RCOR1: variants seen among roughly 807,000 people sequenced by gnomAD.
RCOR1 encodes the protein REST corepressor.
Under a neutral mutation model 64.0 loss-of-function variants are expected in RCOR1, and 12 were observed. The observed-to-expected ratio is 0.19, with a 90% CI of 0.12 to 0.30. RCOR1 has a LOEUF of 0.30. Among genes scored for constraint, RCOR1 ranks in the 10% least tolerant of loss-of-function variants. The probability of loss-of-function intolerance (pLI) is 1.00; values close to 1 mark genes in which losing one functional copy is unlikely to be tolerated. For synonymous variants in RCOR1, 279 were observed against 227.2 expected (o/e 1.23, Z -2.05); for missense variants, 502 against 621.2 (o/e 0.81, Z 2.04).
chr14:102,609,990 A>T, intron 2 of RCOR1, among the ~76,000 whole-genome samples: 1 of 152,016 alleles, frequency 6.6e-6, no homozygotes, highest in East Asian at 1.9e-4. Context: ...TACTAAACAT[A>T]CAAAAATTAG....
chr14:102,662,683 G>T, intron 2 of RCOR1: 1 of 442,734 alleles, frequency 2.3e-6, no homozygotes, highest in African/African-American at 2.0e-5. Flanking sequence ...AGGGGCAGGA[G>T]CTTCCTTCTT....
At chr14:102,706,603 A>T (rs999865268) in intron 4 of RCOR1, among the ~76,000 whole-genome samples, 3 of 152,126 alleles carry the variant, frequency 2.0e-5, no homozygotes, top group Non-Finnish European at 4.4e-5. Flanking sequence ...AAGTGGGTAG[A>T]TCACTTGAGC....
rs1222242153 is a variant in RCOR1, at chr14:102,710,969, C to G, written c.814C>G (p.Pro272Ala). ...DELEEANGNNPIDIEVDQNKE... is the reference protein window; with the variant it reads ...DELEEANGNNAIDIEVDQNKE... ...ACTGGAAGAGGCAAATGGAAACAATCCCATTGACATTGAGGTTGATCAAAA... is the reference window on the plus strand; with the variant it reads ...ACTGGAAGAGGCAAATGGAAACAATGCCATTGACATTGAGGTTGATCAAAA... The change falls in exon 7 of 12, where the codon CCC (proline) becomes GCC (alanine). Residue 272 changes from proline to alanine, a missense_variant. Pro to Ala is a conservative substitution (Grantham distance 27). This residue lies in a region of RCOR1 where 260 missense variants were observed against 416.4 expected (regional missense o/e 0.62). Transcript: ENST00000262241. The G allele has an allele frequency of 1.2e-6, 2 of 1,609,084 alleles. No individual in the cohort carries two copies. The highest frequency in any genetic ancestry group is 2.2e-5 in the South Asian group (2 of 89,530).
At chr14:102,723,773 GA>G (rs1896209496) in intron 11 of RCOR1, among the ~76,000 whole-genome samples, 1 of 152,218 alleles carries the variant, frequency 6.6e-6, no homozygotes, top group South Asian at 2.1e-4. Flanking sequence ...TTGCAGGAAT[GA>G]AAGCTTGCTT....
At chr14:102,643,922 T>C (rs1175667850) in intron 2 of RCOR1, among the ~76,000 whole-genome samples, 1 of 152,250 alleles carries the variant, frequency 6.6e-6, no homozygotes, top group Non-Finnish European at 1.5e-5. Flanking sequence ...ATGCTAACAA[T>C]TGAGTGTTAC....
chr14:102,648,310 C>G (rs1009317921), intron 2 of RCOR1, among the ~76,000 whole-genome samples: 4 of 152,202 alleles, frequency 2.6e-5, no homozygotes, highest in Non-Finnish European at 5.9e-5. Context: ...AACTCTTGAT[C>G]TCAGGTGATC....
chr14:102,706,100 G>A (rs1895847496), intron 4 of RCOR1, among the ~76,000 whole-genome samples: 1 of 88,302 alleles, frequency 1.1e-5, no homozygotes, highest in Admixed American at 1.6e-4. Flanking sequence ...GGCAAGGAGA[G>A]TGAAACCCTG....
At chr14:102,687,228 T>C (rs1056751169) in intron 3 of RCOR1, among the ~76,000 whole-genome samples, 6 of 152,218 alleles carry the variant, frequency 3.9e-5, no homozygotes, top group Non-Finnish European at 7.3e-5. Flanking sequence ...AATTTATGTG[T>C]AGTTTTCCTA....
At chr14:102,614,951 C>T (rs558038243) in intron 2 of RCOR1, among the ~76,000 whole-genome samples, 2 of 151,762 alleles carry the variant, frequency 1.3e-5, no homozygotes, top group Non-Finnish European at 2.9e-5. Flanking sequence ...CCTGCCTCAG[C>T]CTCCCGAGTA....
chr14:102,726,412 T>G, intron 11 of RCOR1, 56 bp from the exon 12 acceptor site: 1 of 1,483,906 alleles, frequency 6.7e-7, no homozygotes, highest in Non-Finnish European at 9.2e-7. Context: ...AATAGCAGCT[T>G]GTGTTGTTTA....
intron 2 of RCOR1, among the ~76,000 whole-genome samples, chr14:102,599,428 A>T (rs1893338602): frequency 6.6e-6 from 1 of 152,174 alleles, no homozygotes; most frequent in Admixed American, 6.5e-5. Flanking sequence ...CACCGTGTTC[A>T]GCCATTATTA....
In RCOR1 at chr14:102,727,280, G is replaced by GT. The variant is rs1282114140; in HGVS notation, c.*774_*775insT. The GT allele has an allele frequency of 1.5e-5, 2 of 132,676 alleles. No individual in the cohort carries two copies. The highest frequency in any genetic ancestry group is 6.1e-5 in the African/African-American group (2 of 32,602). 8.2% of individuals were successfully genotyped at this position (132,676 alleles called of 1,614,324 possible). On this transcript the variant is annotated 3_prime_UTR_variant, in exon 12 of 12. Transcript: ENST00000262241. ...GGTGGTTGCCACCCCATCTTTTCCT[G>GT]ACCCCCCCCACCCCCCCACCTCCAA... is the stretch of plus-strand genomic sequence containing the variant.
chr14:102,621,584 C>A (rs900601626), intron 2 of RCOR1, among the ~76,000 whole-genome samples: 1 of 151,648 alleles, frequency 6.6e-6, no homozygotes. Context: ...TTTTTCTTTT[C>A]GTCTTCTAGC....
rs771761483 is a variant in RCOR1 at position 102,708,592 on chromosome 14, A to G, written c.779+9A>G. On this transcript the variant is annotated intron_variant, in intron 6 of 11. Transcript: ENST00000262241. The stretch of plus-strand genomic sequence containing the variant: ...CGGGAGCGGGAGGAGAGGTGAGCAC[A>G]TGGCTGGGGTGTTGTCTAACCACTT... The G allele has an allele frequency of 1.0e-4, 152 of 1,499,486 alleles. 3 individuals carry two copies. Among genetic ancestry groups the G allele is most frequent in the South Asian group, 7.5e-4 (66 of 88,556 alleles). The allele number at this position is 1,499,486 out of a possible 1,614,324, so 92.9% of individuals were successfully genotyped here.
At position 102,613,435 on chromosome 14, in the gene RCOR1, ATTTT is replaced by A. The variant is rs61269468; in HGVS notation, c.361+20122_361+20125del. ...TCTTTTTTAAACATATTTATTTATC[ATTTT>A]TTTTTTTTTTTGAGACGGAGTCTCG... On this transcript the variant is annotated intron_variant, in intron 2 of 11. Coordinates refer to ENST00000262241, the MANE Select transcript of RCOR1 (RefSeq NM_015156.4). Among the ~76,000 whole-genome samples, 3 of 119,304 alleles carry A rather than the reference ATTTT, an allele frequency of 2.5e-5. No individual in the cohort carries two copies. The East Asian group carries it at 7.2e-4, about 29-fold the overall frequency. 78.3% of individuals were successfully genotyped at this position (119,304 alleles called of 152,430 possible). A position where few individuals can be genotyped will look rare whatever the true frequency, so the allele number is the denominator to read the frequency against.
intron 2 of RCOR1, among the ~76,000 whole-genome samples, chr14:102,611,823 CTTTTGGG>C (rs1567407224): frequency 6.6e-6 from 1 of 152,060 alleles, no homozygotes; most frequent in Non-Finnish European, 1.5e-5. Context: ...CCATTTGATT[CTTTTGGG>C]TATTTTATTT....
Position 102,722,511 on chromosome 14 carries a change from T to C in RCOR1, c.1419+95T>C. On this transcript the variant is annotated intron_variant, in intron 11 of 11. Coordinates refer to ENST00000262241, the MANE Select transcript of RCOR1 (RefSeq NM_015156.4). ...GAATTTTTTCAGCTATAGAGATTTTTAGGTATCAGCTGTATTAGTAACTTC... is the reference window on the plus strand; with the variant it reads ...GAATTTTTTCAGCTATAGAGATTTTCAGGTATCAGCTGTATTAGTAACTTC... 3.0e-6 allele frequency: 3 copies of C among 993,358 alleles called. No homozygotes were observed. In the South Asian group the frequency reaches 4.7e-5, roughly 16 times the overall value. 61.5% of individuals were successfully genotyped at this position (993,358 alleles called of 1,614,324 possible).
intron 6 of RCOR1, among the ~76,000 whole-genome samples, chr14:102,709,057 C>T (rs967706453): frequency 1.3e-5 from 2 of 152,096 alleles, no homozygotes; most frequent in African/African-American, 4.8e-5. Context: ...AAGGATAGCT[C>T]AGTATGGAGA....
At chr14:102,673,885 G>C (rs949795434) in intron 2 of RCOR1, among the ~76,000 whole-genome samples, 3 of 152,230 alleles carry the variant, frequency 2.0e-5, no homozygotes, top group Admixed American at 6.5e-5. Flanking sequence ...CAAGTGCTGG[G>C]ATTACAGGGG....
Sources: allele counts gnomAD v4.1 joint callset (sites outside exome capture counted in the v4.1 genomes callset), GRCh38; gene constraint gnomAD v4.1.1; regional missense constraint gnomAD v4.1.1; transcripts MANE v1.5; gene names NCBI Gene and HGNC (gene_info 2026-07-23, HGNC 2026-07-21).